Variants in CDAN1 observed in about 807,000 individuals in gnomAD.
CDAN1 encodes the protein codanin 1.
In CDAN1, 107 loss-of-function variants were observed where a neutral mutation model predicts 139.8. That is an observed-to-expected ratio of 0.77 (90% confidence interval 0.65 to 0.90). The LOEUF is 0.90. Among genes scored for constraint, CDAN1 ranks in the 40% least tolerant of loss-of-function variants. The probability of loss-of-function intolerance (pLI) is 0.00; values close to 1 mark genes in which losing one functional copy is unlikely to be tolerated. For synonymous variants in CDAN1, 776 were observed against 660.6 expected (o/e 1.17, Z -2.68); for missense variants, 1,667 against 1,575.7 (o/e 1.06, Z -0.98).
intron 15 of CDAN1, 59 bp downstream of exon 15, chr15:42,730,069 C>T: frequency 1.3e-6 from 2 of 1,494,802 alleles, no homozygotes; most frequent in Non-Finnish European, 1.9e-6. Flanking sequence ...CAGACATTTG[C>T]CCACTCCCCA....
rs958465581 is a variant in CDAN1 at position 42,726,310 on chromosome 15, C to G, written c.3204G>C (p.Gln1068His). 1 of 1,587,864 alleles carries G rather than the reference C, an allele frequency of 6.3e-7. No homozygotes were observed. The highest frequency in any genetic ancestry group is 8.6e-7 in the Non-Finnish European group (1 of 1,167,062). ...CCCGGTGGCAGATGCCACAGCTCAC[C>G]TGGCGGCACCGCAGCGTCTGGCCCA... ...GQLGQTLRCR[Q>H]FLCPPAEQHL... The change falls in exon 24 of 28, where the codon CAG (glutamine) becomes CAC (histidine). Residue 1068 changes from glutamine to histidine, a missense_variant and splice_region_variant. Physicochemically the swap from Gln to His is conservative, Grantham distance 24. Around this residue, in one of 3 missense-constraint regions of CDAN1, gnomAD observed 936 missense variants for 844.1 expected, o/e 1.11. Coordinates refer to ENST00000356231, the MANE Select transcript of CDAN1 (RefSeq NM_138477.4).
At position 42,736,577 on chromosome 15, in the gene CDAN1, G is replaced by A; in HGVS notation, c.294C>T (p.Ser98=). Residue 98 remains serine, a synonymous_variant, in exon 2 of 28, where the codon AGC becomes AGT. Coordinates refer to ENST00000356231, the MANE Select transcript of CDAN1 (RefSeq NM_138477.4). The stretch of plus-strand genomic sequence containing the variant: ...GGGCCTCGGTCGGAGGGAAAAGCTG[G>A]CTGCGCGCCCCGCGGCTACCCCGCG... ...GPPRGSRGAR[S]QLFPPTEAQS... is the part of the protein sequence containing the mutation. 1 of 1,489,474 alleles carries A rather than the reference G, an allele frequency of 6.7e-7. No individual in the cohort carries two copies. Among genetic ancestry groups the A allele is most frequent in the Non-Finnish European group, 8.9e-7 (1 of 1,121,494 alleles). The allele number at this position is 1,489,474 out of a possible 1,614,324, so 92.3% of individuals were successfully genotyped here. A position where few individuals can be genotyped will look rare whatever the true frequency, so the allele number is the denominator to read the frequency against.
At position 42,727,584 on chromosome 15, in the gene CDAN1, G is replaced by A. The variant is rs766672608; in HGVS notation, c.3096+37C>T. ...AACCAGGAACAGAGCAGGGGGGTGG[G>A]AGCAGGGAAGCCAAAGGGAGTAGGG... On this transcript the variant is annotated intron_variant, in intron 23 of 27. Coordinates refer to ENST00000356231, the MANE Select transcript of CDAN1 (RefSeq NM_138477.4). 3.0e-5 allele frequency: 45 copies of A among 1,499,368 alleles called. No homozygotes were observed. In the African/African-American group the frequency reaches 6.0e-4, roughly 20 times the overall value. 92.9% of individuals were successfully genotyped at this position (1,499,368 alleles called of 1,614,324 possible).
intron 7 of CDAN1, 87 bp downstream of exon 7, chr15:42,734,139 G>GCC (rs2061655074): frequency 2.5e-6 from 4 of 1,603,232 alleles, no homozygotes; most frequent in Non-Finnish European, 2.6e-6. Flanking sequence ...ACATTACACT[G>GCC]AAGTGTCGTC....
At position 42,729,361 on chromosome 15, in the gene CDAN1, T is replaced by C; in HGVS notation, c.2409A>G (p.Gly803=). The change falls in exon 18 of 28, where the codon GGA becomes GGG. Residue 803 remains glycine (G), a splice_region_variant and synonymous_variant. Coordinates refer to ENST00000356231, the MANE Select transcript of CDAN1 (RefSeq NM_138477.4). ...ACGAAGCGAGCAGTTTCCGGAGCTC[T>C]CCTGTATCAGTGAAGTCCAAGTTCT... ...QLLYTCCPYI[G]ELRKLLASWV... is the part of the protein sequence containing the mutation. 6.2e-7 allele frequency: 1 copy of C among 1,614,168 alleles called. No homozygotes were observed. Among genetic ancestry groups the C allele is most frequent in the South Asian group, 1.1e-5 (1 of 91,086 alleles).
chr15:42,727,800 T>C, intron 22 of CDAN1, 31 bp from the exon 23 acceptor site: 2 of 1,609,102 alleles, frequency 1.2e-6, no homozygotes, highest in Non-Finnish European at 1.7e-6. Context: ...GGGAAAGGAA[T>C]CACGGGAGGG....
At position 42,735,187 on chromosome 15, in the gene CDAN1, A is replaced by G. The variant is rs760225830; in HGVS notation, c.1058-9T>C. ...TGGACTTTCCAGGGAATCTAGAAGGACAGTACCAAGCTGTCAGTTAAGAAC... is the reference window on the plus strand; with the variant it reads ...TGGACTTTCCAGGGAATCTAGAAGGGCAGTACCAAGCTGTCAGTTAAGAAC... On this transcript the variant is annotated splice_polypyrimidine_tract_variant and intron_variant, in intron 5 of 27. Transcript: ENST00000356231. 1 of 1,612,114 alleles carries G rather than the reference A, an allele frequency of 6.2e-7. No individual in the cohort carries two copies. The highest frequency in any genetic ancestry group is 2.2e-5 in the East Asian group (1 of 44,856).
chr15:42,725,796 AACAT>A (rs2061518541), intron 25 of CDAN1, 126 bp from the exon 26 acceptor site: 2 of 932,122 alleles, frequency 2.1e-6, no homozygotes, highest in Non-Finnish European at 3.2e-6. Flanking sequence ...CAGTCTGGCC[AACAT>A]AGTGAAACCC....
chr15:42,730,615 G>T lies in CDAN1; in HGVS notation c.2157C>A (p.Leu719=). The T allele has an allele frequency of 6.2e-7, 1 of 1,614,218 alleles. No homozygotes were observed. The highest frequency in any genetic ancestry group is 2.2e-5 in the East Asian group (1 of 44,892). ...CCACTCACCGGTGCAGGCGCAGCAG[G>T]AGAGTGAAGATGTCCCGGTAATATT... ...LLEYYRDIFT[L]LLRLHRSLVL... is the part of the protein sequence containing the mutation. The change falls in exon 14 of 28, where the codon CTC becomes CTA. Residue 719 remains leucine (L), a synonymous_variant. Transcript: ENST00000356231.
At position 42,732,372 on chromosome 15, in the gene CDAN1, G is replaced by A. The variant is rs1430149039; in HGVS notation, c.1494C>T (p.His498=). The change falls in exon 10 of 28, where the codon CAC becomes CAT. Residue 498 remains histidine, a synonymous_variant. Coordinates refer to ENST00000356231, the MANE Select transcript of CDAN1 (RefSeq NM_138477.4). ...MMGQLSAACS[H]SHFVRLFQKQ... ...TTTGGAAAAGCCGAACAAAGTGGCT[G>A]TGGCTGCAGGCTGCGGAGAGCTGAC... is the stretch of plus-strand genomic sequence containing the variant. The A allele has an allele frequency of 5.6e-6, 9 of 1,614,062 alleles. No homozygotes were observed. The highest frequency in any genetic ancestry group is 7.6e-6 in the Non-Finnish European group (9 of 1,180,026).
chr15:42,731,572 C>T (rs2061611859), intron 11 of CDAN1, 48 bp downstream of exon 11: 1 of 1,599,494 alleles, frequency 6.3e-7, no homozygotes, highest in East Asian at 2.2e-5. Context: ...GGAAGCCAAA[C>T]CTTTCCTGGC....
intron 8 of CDAN1, among the ~76,000 whole-genome samples, chr15:42,733,430 C>T (rs768431648): frequency 2.6e-5 from 4 of 152,192 alleles, no homozygotes; most frequent in Non-Finnish European, 4.4e-5. Context: ...GTGCCCACCA[C>T]CACGCCTGGC....
Position 42,724,135 on chromosome 15 carries a change from C to T in CDAN1, c.*356G>A, listed in dbSNP as rs1019704568. ...GAGTCATTTGCCTCTGTCATGAATT[C>T]CAAGACTACAAAGTTTTAAGAGATG... On this transcript the variant is annotated 3_prime_UTR_variant, in exon 28 of 28. Coordinates refer to ENST00000356231, the MANE Select transcript of CDAN1 (RefSeq NM_138477.4). The T allele has an allele frequency of 3.0e-6, 1 of 330,252 alleles. No homozygotes were observed. The highest frequency in any genetic ancestry group is 5.9e-6 in the Non-Finnish European group (1 of 169,036). The allele number at this position is 330,252 out of a possible 1,614,324, so 20.5% of individuals were successfully genotyped here.
Position 42,736,723 on chromosome 15 carries a change from C to A in CDAN1, c.148G>T (p.Val50Leu). ...CTCAGGAAGTTCAACAGGAACGGTA[C>A]GAATTCTTTCCGCAGGGCCCGGAGT... Reference protein sequence around the residue: ...SSLRALRKEFVPFLLNFLREQ... With the variant: ...SSLRALRKEFLPFLLNFLREQ... The change falls in exon 2 of 28, where the codon GTA (valine) becomes TTA (leucine). Residue 50 changes from valine (V) to leucine (L), a missense_variant. This residue lies in a region of CDAN1 where 487 missense variants were observed against 422.2 expected (regional missense o/e 1.15). Transcript: ENST00000356231. The A allele has an allele frequency of 6.4e-7, 1 of 1,561,198 alleles. No individual in the cohort carries two copies. The highest frequency in any genetic ancestry group is 2.5e-5 in the East Asian group (1 of 40,016).
rs777409250 is a variant in CDAN1, at chr15:42,733,145, T to C, written c.1409A>G (p.His470Arg). The change falls in exon 9 of 28, where the codon CAT becomes CGT. Residue 470 changes from histidine to arginine, a missense_variant. Physicochemically the swap from His to Arg is conservative, Grantham distance 29 (BLOSUM62 0). This residue lies in a region of CDAN1 where 244 missense variants were observed against 309.4 expected (regional missense o/e 0.79). Transcript: ENST00000356231. ...YEVLREWEDH[H>R]EEPGWDFEKG... ...CTCAAAATCCCAGCCAGGCTCCTCA[T>C]GGTGATCTTCCCACTCTCGCAGCAC... is the stretch of plus-strand genomic sequence containing the variant. 3.1e-6 allele frequency: 5 copies of C among 1,614,004 alleles called. No individual in the cohort carries two copies. The highest frequency in any genetic ancestry group is 1.7e-5 in the Admixed American group (1 of 59,986).
At chr15:42,730,515 T>C in intron 14 of CDAN1, 83 bp downstream of exon 14, 1 of 1,514,948 alleles carries the variant, frequency 6.6e-7, no homozygotes, top group African/African-American at 1.4e-5. Flanking sequence ...TGCAGACTGC[T>C]CGACCCTCTT....
At chr15:42,732,481 A>G in intron 9 of CDAN1, 73 bp from the exon 10 acceptor site, 2 of 1,384,616 alleles carry the variant, frequency 1.4e-6, no homozygotes, top group Non-Finnish European at 2.1e-6. Flanking sequence ...GAAGCAGCCA[A>G]CCCCTGGACT....
chr15:42,733,011 A>G (rs1406917529), intron 9 of CDAN1, 86 bp downstream of exon 9: 171 of 1,028,968 alleles, frequency 1.7e-4, no homozygotes, highest in Non-Finnish European at 2.4e-4. Context: ...AGCGGGGAAA[A>G]CCTTCCCTCC....
chr15:42,736,121 A>C, intron 2 of CDAN1, 43 bp from the exon 3 acceptor site: 1 of 1,604,350 alleles, frequency 6.2e-7, no homozygotes, highest in South Asian at 1.1e-5. Flanking sequence ...TCCTATCTTC[A>C]AACATCTCCC....
Sources: allele counts gnomAD v4.1 joint callset (sites outside exome capture counted in the v4.1 genomes callset), GRCh38; gene constraint gnomAD v4.1.1; regional missense constraint gnomAD v4.1.1; transcripts MANE v1.5; gene names NCBI Gene and HGNC (gene_info 2026-07-23, HGNC 2026-07-21).